The following COL6A5 variants were observed in gnomAD, a reference collection of about 807,000 sequenced individuals.
The protein encoded by COL6A5 is collagen type VI alpha 5 chain.
In COL6A5, 48 loss-of-function variants were observed where a neutral mutation model predicts 65.6. That is an observed-to-expected ratio of 0.73 (90% CI 0.58 to 0.93). The LOEUF is 0.93. Ranked by LOEUF, COL6A5 falls within the 40% of genes least tolerant of loss-of-function variation. The pLI, the probability that COL6A5 is intolerant of heterozygous loss-of-function variation, is 0.00. For synonymous variants in COL6A5, 291 were observed against 322.8 expected (o/e 0.90, Z 1.05); for missense variants, 914 against 928.3 (o/e 0.98, Z 0.20).
chr3:130,379,519 T>G, exon 4 of COL6A5: 1 of 1,551,416 alleles, frequency 6.4e-7, no homozygotes, highest in Non-Finnish European at 8.7e-7. Context: ...TCTTCAGACC[T>G]TCCTTGAGAA....
rs1446032438 is a variant in COL6A5 at position 130,350,299 on chromosome 3, G to A, written c.-29+4318G>A. Among the ~76,000 whole-genome samples the A allele has an allele frequency of 1.3e-5, 2 of 152,192 alleles. 1 individual carries two copies. The highest frequency in any genetic ancestry group is 1.3e-4 in the Admixed American group (2 of 15,280). ...ACTCCTATTCAACATAGTGTTGGAA[G>A]TTCTAGCCAGGGCAATCAGGCAAGA... On this transcript the variant is annotated intron_variant and NMD_transcript_variant, in intron 1 of 41. Coordinates refer to the COL6A5 transcript ENST00000312481.
At chr3:130,346,846 A>G (rs1457010627) in intron 1 of COL6A5, among the ~76,000 whole-genome samples, 6 of 152,204 alleles carry the variant, frequency 3.9e-5, no homozygotes, top group African/African-American at 1.4e-4. Flanking sequence ...TACTTTGTGA[A>G]TTCTGAACAA....
chr3:130,394,811 A>C, intron 7 of COL6A5, 79 bp from the exon 8 acceptor site: 1 of 998,436 alleles, frequency 1.0e-6, no homozygotes, highest in South Asian at 1.5e-5. Flanking sequence ...GTATTTAGTA[A>C]AGCAATTTAA....
intron 7 of COL6A5, among the ~76,000 whole-genome samples, chr3:130,477,683 C>A (rs819092): frequency 0.75 from 113,457 of 151,970 alleles, 44,424 homozygotes; most frequent in Non-Finnish European, 0.88. Flanking sequence ...CTACCGAATC[C>A]GAAATTCTGG....
chr3:130,422,735 C>T, exon 28 of COL6A5: 1 of 1,529,272 alleles, frequency 6.5e-7, no homozygotes, highest in African/African-American at 1.4e-5. Flanking sequence ...TATTGGTAAT[C>T]CTGGAATTCC....
intron 20 of COL6A5, among the ~76,000 whole-genome samples, chr3:130,410,857 A>G (rs774101863): frequency 4.6e-5 from 7 of 152,100 alleles, no homozygotes; most frequent in Non-Finnish European, 1.0e-4. Context: ...GAGAGGCAAA[A>G]TCACCCCTGG....
intron 7 of COL6A5, 133 bp downstream of exon 40, chr3:130,472,059 G>C: frequency 2.2e-6 from 2 of 904,198 alleles, no homozygotes; most frequent in Non-Finnish European, 1.6e-6. Flanking sequence ...GGGGCTTATC[G>C]TCTAAGGATC....
rs866538947 is a variant in COL6A5, at chr3:130,467,988, G to C, written c.1545-807G>C. On this transcript the variant is annotated intron_variant, in intron 5 of 7. Coordinates refer to ENST00000512836, the Ensembl canonical transcript of COL6A5. ...CCATCATTCATATGATTGTAGACAG[G>C]CTTCATGATCCCTTAGGCTTAGAGC... 6.6e-5 allele frequency among the ~76,000 whole-genome samples: 10 copies of C among 152,068 alleles called. No individual in the cohort carries two copies. The South Asian group carries it at 2.1e-3, about 32-fold the overall frequency.
chr3:130,381,390 A>G (rs570365958), intron 4 of COL6A5, among the ~76,000 whole-genome samples: 23 of 152,284 alleles, frequency 1.5e-4, no homozygotes, highest in African/African-American at 5.5e-4. Flanking sequence ...ATATTTTTTA[A>G]AACATATCTT....
chr3:130,455,686 T>C lies in COL6A5; in HGVS notation c.1544+20T>C, dbSNP rs761251652. 2.3e-5 allele frequency: 36 copies of C among 1,556,580 alleles called. No individual in the cohort carries two copies. The highest frequency in any genetic ancestry group is 3.0e-5 in the Non-Finnish European group (34 of 1,130,080). ...CTTCTGGTAAGAAAATGAAAAGTCA[T>C]GATGGAAATGTTTAAATAGCCAGGA... is the stretch of plus-strand genomic sequence containing the variant. On this transcript the variant is annotated intron_variant, in intron 5 of 7. Coordinates refer to ENST00000512836, the Ensembl canonical transcript of COL6A5.
exon 7 of COL6A5, chr3:130,391,484 C>A: frequency 6.4e-7 from 1 of 1,551,732 alleles, no homozygotes; most frequent in Non-Finnish European, 8.7e-7. Context: ...TACAGAGGAA[C>A]ATGGCAGCCG....
intron 27 of COL6A5, 126 bp downstream of exon 27, chr3:130,421,486 G>GAA: frequency 2.4e-6 from 2 of 837,582 alleles, no homozygotes; most frequent in Non-Finnish European, 3.8e-6. Flanking sequence ...GTTTTCCTTG[G>GAA]GCTTCCTGAG....
Position 130,476,277 on chromosome 3 carries a change from G to A in COL6A5, c.2328+5310G>A, listed in dbSNP as rs373295224. ...CTCTTTTTATAAGAGTAACGGTTCC[G>A]TAAAATCAGGGCTTCACCCTTATGA... On this transcript the variant is annotated intron_variant, in intron 7 of 7. Transcript: ENST00000512836. Among the ~76,000 whole-genome samples the A allele has an allele frequency of 9.2e-5, 14 of 151,982 alleles. No homozygotes were observed. In the East Asian group the frequency reaches 1.4e-3, roughly 15 times the overall value.
chr3:130,422,423 A>C (rs560140666), intron 27 of COL6A5, among the ~76,000 whole-genome samples: 2 of 151,960 alleles, frequency 1.3e-5, no homozygotes, highest in Non-Finnish European at 1.5e-5. Context: ...CAATACTCCA[A>C]ATGTTTTTCT....
chr3:130,388,066 T>G (rs9864310), intron 5 of COL6A5, among the ~76,000 whole-genome samples: 39,332 of 151,820 alleles, frequency 0.26, 6,458 homozygotes, highest in East Asian at 0.53. Flanking sequence ...TAGTAAAAAC[T>G]TTTTCTCCAA....
At chr3:130,393,643 T>C (rs1342970092) in intron 7 of COL6A5, among the ~76,000 whole-genome samples, 1 of 152,186 alleles carries the variant, frequency 6.6e-6, no homozygotes, top group Non-Finnish European at 1.5e-5. Flanking sequence ...TTATTAGGGA[T>C]CCACACCTGT....
intron 5 of COL6A5, among the ~76,000 whole-genome samples, chr3:130,459,538 T>G (rs1277227796): frequency 6.6e-6 from 1 of 152,022 alleles, no homozygotes; most frequent in Non-Finnish European, 1.5e-5. Flanking sequence ...TAGAGATCAT[T>G]GCTAAACATT....
chr3:130,416,656 A>T (rs1303507658), intron 23 of COL6A5, 101 bp from the exon 24 acceptor site: 7 of 717,302 alleles, frequency 9.8e-6, no homozygotes, highest in Non-Finnish European at 1.7e-5. Flanking sequence ...GGCTGCATCA[A>T]GGAGTTGTTG....
At chr3:130,387,662 G>GATGCT (rs1175904878) in intron 5 of COL6A5, among the ~76,000 whole-genome samples, 2 of 151,946 alleles carry the variant, frequency 1.3e-5, no homozygotes, top group Non-Finnish European at 2.9e-5. Flanking sequence ...ATATATGGCT[G>GATGCT]ATGCTATGTT....
Sources: allele counts gnomAD v4.1 joint callset (sites outside exome capture counted in the v4.1 genomes callset), GRCh38; gene constraint gnomAD v4.1.1; transcripts MANE v1.5; gene names NCBI Gene and HGNC (gene_info 2026-07-23, HGNC 2026-07-21).